Variants in DPP6 observed in about 807,000 individuals in gnomAD.
The protein encoded by DPP6 is A-type potassium channel modulatory protein DPP6.
A neutral mutation model predicts 122.6 loss-of-function variants in DPP6; 69 were observed. The observed-to-expected ratio is 0.56, with a 90% CI of 0.46 to 0.69. DPP6 has a LOEUF of 0.69. DPP6 is among the 30% of genes least tolerant of loss of function. DPP6 has a pLI of 0.00. For missense variants in DPP6, 928 were observed against 1,116.9 expected, an observed-to-expected ratio of 0.83 and a Z score of 2.41; for synonymous variants, 418 against 433.1, an observed-to-expected ratio of 0.97 and a Z score of 0.43.
At chr7:154,671,866 A>ACACACACACATG (rs1563087015) in intron 7 of DPP6, among the ~76,000 whole-genome samples, 4 of 118,008 alleles carry the variant, frequency 3.4e-5, no homozygotes, top group African/African-American at 5.4e-5. Flanking sequence ...ACACACATGC[A>ACACACACACATG]CACACACACA....
intron 13 of DPP6, among the ~76,000 whole-genome samples, 173 bp downstream of exon 13, chr7:154,801,635 G>A (rs576052263): frequency 2.4e-4 from 37 of 152,276 alleles, no homozygotes; most frequent in Admixed American, 9.2e-4. Context: ...TTCCCATCAG[G>A]CCTGGTGGAA....
intron 18 of DPP6, among the ~76,000 whole-genome samples, chr7:154,868,670 C>A (rs148518330): frequency 3.5e-4 from 54 of 152,340 alleles, no homozygotes; most frequent in African/African-American, 1.2e-3. Context: ...CACCCCAGAG[C>A]ATTAGCTGGA....
At chr7:153,760,073 A>G in the DPP6 span, among the ~76,000 whole-genome samples, 3 of 152,072 alleles carry the variant, frequency 2.0e-5, no homozygotes, top group Non-Finnish European at 4.4e-5. Flanking sequence ...GTTTTAACAT[A>G]TCTCAATGAT....
intron 5 of DPP6, among the ~76,000 whole-genome samples, chr7:154,602,651 G>A (rs1833449235): frequency 8.4e-6 from 1 of 119,384 alleles, no homozygotes. Flanking sequence ...GACTGGTCTC[G>A]AACTCCTGAC....
intron 1 of DPP6, among the ~76,000 whole-genome samples, chr7:154,445,745 G>T (rs1015166577): frequency 1.3e-5 from 2 of 150,832 alleles, no homozygotes; most frequent in Non-Finnish European, 2.9e-5. Flanking sequence ...TTTAAATTTG[G>T]TACCCTGAAA....
At chr7:154,725,634 G>T (rs780229803) in intron 7 of DPP6, among the ~76,000 whole-genome samples, 3 of 152,068 alleles carry the variant, frequency 2.0e-5, no homozygotes, top group Non-Finnish European at 4.4e-5. Context: ...GATTTGGGTG[G>T]GGTCACAAAT....
At position 154,507,376 on chromosome 7, in the gene DPP6, C is replaced by T. The variant is rs148596378; in HGVS notation, c.457+32339C>T. On this transcript the variant is annotated intron_variant, in intron 3 of 25. Transcript: ENST00000377770. ...TAGTGGTTTGCTGCACCCATCAACC[C>T]GTCATCTATGTTTTAAGCCCTGCAT... Among the ~76,000 whole-genome samples, 322 of 152,124 alleles carry T rather than the reference C, an allele frequency of 2.1e-3. 4 individuals are homozygous for T. The highest frequency in any genetic ancestry group is 0.02 in the Middle Eastern group (6 of 294).
the DPP6 span, among the ~76,000 whole-genome samples, chr7:153,803,526 T>A: frequency 6.6e-6 from 1 of 152,044 alleles, no homozygotes; most frequent in Non-Finnish European, 1.5e-5. Flanking sequence ...TTCACGCCAC[T>A]GTCTCCTTGG....
At chr7:154,633,747 T>G in intron 5 of DPP6, among the ~76,000 whole-genome samples, 1 of 152,364 alleles carries the variant, frequency 6.6e-6, no homozygotes, top group South Asian at 2.1e-4. Flanking sequence ...GGCTTGATGT[T>G]GAGGAAGATT....
At chr7:154,713,115 G>A (rs578148305) in intron 7 of DPP6, among the ~76,000 whole-genome samples, 319 of 152,320 alleles carry the variant, frequency 2.1e-3, no homozygotes, top group Non-Finnish European at 3.6e-3. Context: ...AATCCAATAG[G>A]GCAGTCATTA....
intron 8 of DPP6, among the ~76,000 whole-genome samples, chr7:154,739,325 A>G (rs1310000306): frequency 6.6e-6 from 1 of 152,154 alleles, no homozygotes; most frequent in Non-Finnish European, 1.5e-5. Flanking sequence ...CAGAAGAGGA[A>G]TTGTCTAGAG....
rs542456148 is a variant in DPP6, at chr7:154,118,345, C to T, written c.243+65282C>T. Among the ~76,000 whole-genome samples the T allele has an allele frequency of 2.5e-3, 366 of 149,168 alleles. 8 individuals carry two copies. The highest frequency in any genetic ancestry group is 8.7e-3 in the African/African-American group (348 of 40,072). ...ACATATTAGCTTTTAGGTAGACACC[C>T]GTAGGTCTTAGGATGTGGTGGAAAA... On this transcript the variant is annotated intron_variant, in intron 1 of 25. Transcript: ENST00000377770.
At chr7:154,421,029 G>A (rs1176175656) in intron 1 of DPP6, among the ~76,000 whole-genome samples, 3 of 152,108 alleles carry the variant, frequency 2.0e-5, no homozygotes, top group African/African-American at 4.8e-5. Flanking sequence ...AAAAAAAAAT[G>A]TTCGTGAGCT....
intron 1 of DPP6, among the ~76,000 whole-genome samples, chr7:153,957,234 T>A (rs764884915): frequency 1.3e-5 from 2 of 152,064 alleles, no homozygotes; most frequent in Non-Finnish European, 2.9e-5. Flanking sequence ...GAAAAATCAG[T>A]ACAGAATGTG....
At chr7:153,786,694 G>C in the DPP6 span, among the ~76,000 whole-genome samples, 2 of 138,202 alleles carry the variant, frequency 1.4e-5, no homozygotes, top group African/African-American at 2.7e-5. Context: ...AGCCGAGACC[G>C]CGCCACTGCA....
intron 6 of DPP6, among the ~76,000 whole-genome samples, chr7:154,663,546 G>A (rs1837912100): frequency 2.4e-5 from 1 of 42,164 alleles, no homozygotes; most frequent in Admixed American, 3.4e-4. Context: ...TATAGTCATG[G>A]TGAATCACCA....
At chr7:154,154,021 A>G (rs60244107) in intron 1 of DPP6, among the ~76,000 whole-genome samples, 66,709 of 149,484 alleles carry the variant, frequency 0.45, 14,163 homozygotes, top group Non-Finnish European at 0.51. Context: ...CAAGCATGTG[A>G]AACATAATTG....
chr7:154,690,322 G>A (rs902534847), intron 7 of DPP6, among the ~76,000 whole-genome samples: 3 of 152,056 alleles, frequency 2.0e-5, no homozygotes, highest in East Asian at 1.9e-4. Context: ...AACCAATGTC[G>A]GCCTTCCCTT....
At chr7:154,172,940 C>A (rs1438698219) in intron 1 of DPP6, among the ~76,000 whole-genome samples, 1 of 152,134 alleles carries the variant, frequency 6.6e-6, no homozygotes, top group Non-Finnish European at 1.5e-5. Context: ...GAAGCTTTAA[C>A]AGAAAACATT....
Sources: gnomAD v4.1 joint callset for allele counts (sites outside exome capture counted in the v4.1 genomes callset) on GRCh38, gnomAD v4.1.1 for gene constraint, MANE v1.5 for transcripts, NCBI Gene and HGNC (gene_info 2026-07-23, HGNC 2026-07-21) for gene names.